BRPF1: variants seen among roughly 807,000 people sequenced by gnomAD.
BRPF1 encodes bromodomain and PHD finger containing 1.
Under a neutral mutation model 115.0 loss-of-function variants are expected in BRPF1, and 15 were observed. That is an observed-to-expected ratio of 0.13 (90% CI 0.09 to 0.20). The LOEUF (loss-of-function observed/expected upper bound fraction) is 0.20. Ranked by LOEUF, BRPF1 falls within the 10% of genes least tolerant of loss-of-function variation. The pLI is 1.00. For missense variants in BRPF1, 1,118 were observed against 1,638.3 expected (o/e 0.68, Z 5.48); for synonymous variants, 647 against 619.8 (o/e 1.04, Z -0.65).
rs191947134 is a variant in BRPF1, at chr3:9,739,122, G to T, written c.723G>T (p.Pro241=). Residue 241 remains proline, a synonymous_variant, in exon 3 of 14, where the codon CCG becomes CCT. Transcript: ENST00000383829. The part of the protein sequence containing the change: ...RRKTEGVSPI[P]QEIFEYLMDR... ...AGACAGAGGGTGTAAGTCCCATCCC[G>T]CAGGAGATCTTTGAGTACCTAATGG... is the stretch of plus-strand genomic sequence containing the variant. The T allele has an allele frequency of 8.1e-6, 13 of 1,613,970 alleles. No homozygotes were observed. In the South Asian group the frequency reaches 1.2e-4, roughly 15 times the overall value.
rs773181023 is a variant in BRPF1 at position 9,745,982 on chromosome 3, C to G, written c.3324+52C>G. The G allele has an allele frequency of 1.9e-6, 3 of 1,559,838 alleles. No individual in the cohort carries two copies. In the South Asian group the frequency reaches 3.6e-5, roughly 18 times the overall value. On this transcript the variant is annotated intron_variant, in intron 12 of 13. Coordinates refer to ENST00000383829, the MANE Select transcript of BRPF1 (RefSeq NM_001003694.2). The surrounding 1 kb of genome is among the most constrained non-coding windows in gnomAD (Gnocchi z 5.1). ...GCTTTCCAATCCCAGAATACAGATT[C>G]ACAGTTAGCAGACTTTTCCTACTCC...
rs780323655 is a variant in BRPF1, at chr3:9,739,638, C to T, written c.1239C>T (p.Cys413=). The change falls in exon 3 of 14, where the codon TGC becomes TGT. Residue 413 remains cysteine, a synonymous_variant. Coordinates refer to ENST00000383829, the MANE Select transcript of BRPF1 (RefSeq NM_001003694.2). The part of the protein sequence containing the change: ...ANCYTAFHVT[C]AQQAGLYMKM... ...GTTACACAGCTTTCCATGTGACATG[C>T]GCCCAGCAGGCTGGCCTTTACATGA... 1.2e-6 allele frequency: 2 copies of T among 1,610,234 alleles called. No homozygotes were observed. The highest frequency in any genetic ancestry group is 2.2e-5 in the East Asian group (1 of 44,704).
At position 9,739,167 on chromosome 3, in the gene BRPF1, G is replaced by T; in HGVS notation, c.768G>T (p.Ser256=). Residue 256 remains serine (S), a synonymous_variant, in exon 3 of 14, where the codon TCG becomes TCT. Transcript: ENST00000383829. ...TAATGGACCGACTGGAGAAGGAGTC[G>T]TACTTTGAGAGTCATAATAAAGGCG... ...EYLMDRLEKE[S]YFESHNKGDP... The T allele has an allele frequency of 6.2e-7, 1 of 1,613,932 alleles. No homozygotes were observed. Among genetic ancestry groups the T allele is most frequent in the Non-Finnish European group, 8.5e-7 (1 of 1,179,874 alleles).
rs1050329260 is a variant in BRPF1 at position 9,733,256 on chromosome 3, T to C, written c.-10-875T>C. On this transcript the variant is annotated intron_variant, in intron 1 of 13. Transcript: ENST00000383829. Reference sequence around the variant, plus strand: ...ATTCTTTCTGTGATCCAGTGATTTCTGCAGGAGTCCAACGCTAAAGCATTA... The same window carrying C: ...ATTCTTTCTGTGATCCAGTGATTTCCGCAGGAGTCCAACGCTAAAGCATTA... 6 of 152,422 alleles carry C rather than the reference T, an allele frequency of 3.9e-5. No individual in the cohort carries two copies. In the East Asian group the frequency reaches 1.2e-3, roughly 29 times the overall value. The allele number at this position is 152,422 out of a possible 1,614,324, so 9.4% of individuals were successfully genotyped here.
At position 9,739,204 on chromosome 3, in the gene BRPF1, C is replaced by T; in HGVS notation, c.805C>T (p.Leu269=). 6.2e-7 allele frequency: 1 copy of T among 1,613,740 alleles called. No homozygotes were observed. Among genetic ancestry groups the T allele is most frequent in the South Asian group, 1.1e-5 (1 of 91,052 alleles). ...TCATAATAAAGGCGACCCTAATGCG[C>T]TAGTGGACGAGGATGCTGTTTGCTG... ...ESHNKGDPNA[L]VDEDAVCCIC... The change falls in exon 3 of 14, where the codon CTA becomes TTA. Residue 269 remains leucine, a synonymous_variant. Coordinates refer to ENST00000383829, the MANE Select transcript of BRPF1 (RefSeq NM_001003694.2).
chr3:9,745,492 C>CT lies in BRPF1; in HGVS notation c.3069-78dup. The stretch of plus-strand genomic sequence containing the variant: ...TTCCAAAAGTCTCAGACCCTGCGGG[C>CT]TTTAAGAGCTGAGGGCACATACCAT... On this transcript the variant is annotated intron_variant, in intron 10 of 13. Transcript: ENST00000383829. This position sits in a 1 kb window ranked among gnomAD's most constrained non-coding sequence, Gnocchi z 5.1. 6.7e-7 allele frequency: 1 copy of CT among 1,502,082 alleles called. No individual in the cohort carries two copies. Among genetic ancestry groups the CT allele is most frequent in the South Asian group, 1.2e-5 (1 of 86,542 alleles). The allele number at this position is 1,502,082 out of a possible 1,614,324, so 93.0% of individuals were successfully genotyped here.
chr3:9,732,300 G>C (rs2076865596), intron 1 of BRPF1, among the ~76,000 whole-genome samples, 162 bp downstream of exon 1: 1 of 152,258 alleles, frequency 6.6e-6, no homozygotes, highest in Non-Finnish European at 1.5e-5. Flanking sequence ...TGGGGCAACA[G>C]TGTATCTTTC....
At chr3:9,742,912 C>T (rs765991759) in intron 6 of BRPF1, 32 bp from the exon 7 acceptor site, 1 of 1,597,780 alleles carries the variant, frequency 6.3e-7, no homozygotes. Context: ...GAGGATATCT[C>T]CACTTAAAAC....
chr3:9,745,469 C>A lies in BRPF1; in HGVS notation c.3069-104C>A. On this transcript the variant is annotated intron_variant, in intron 10 of 13. Coordinates refer to ENST00000383829, the MANE Select transcript of BRPF1 (RefSeq NM_001003694.2). This position sits in a 1 kb window ranked among gnomAD's most constrained non-coding sequence, Gnocchi z 5.1. ...AAATTCCTCATATAGCCTCTGCTTT[C>A]CAAAAGTCTCAGACCCTGCGGGCTT... 7.5e-7 allele frequency: 1 copy of A among 1,341,972 alleles called. No homozygotes were observed. Among genetic ancestry groups the A allele is most frequent in the South Asian group, 1.3e-5 (1 of 77,700 alleles). 83.1% of individuals were successfully genotyped at this position (1,341,972 alleles called of 1,614,324 possible).
intron 2 of BRPF1, among the ~76,000 whole-genome samples, chr3:9,737,083 T>C (rs570086765): frequency 1.3e-5 from 2 of 152,330 alleles, no homozygotes; most frequent in African/African-American, 4.8e-5. Context: ...CCATGAGTCA[T>C]ACCCTTGTTC....
At chr3:9,738,009 T>A (rs2125498298) in intron 2 of BRPF1, among the ~76,000 whole-genome samples, 1 of 152,278 alleles carries the variant, frequency 6.6e-6, no homozygotes, top group East Asian at 1.9e-4. Context: ...GAGGCAGGAT[T>A]TAAATCTGGT....
chr3:9,743,063 C>G lies in BRPF1; in HGVS notation c.2121C>G (p.Val707=). The stretch of plus-strand genomic sequence containing the variant: ...TTGAGGAGGACTTCAACCTCATCGT[C>G]AGCAACTGCCTCAAGTATAACGCCA... The part of the protein sequence containing the change: ...DDFEEDFNLI[V]SNCLKYNAKD... Residue 707 remains valine (V), a synonymous_variant, in exon 7 of 14, where the codon GTC becomes GTG. Coordinates refer to ENST00000383829, the MANE Select transcript of BRPF1 (RefSeq NM_001003694.2). The surrounding 1 kb of genome is among the most constrained non-coding windows in gnomAD (Gnocchi z 6.1). 1 of 1,614,232 alleles carries G rather than the reference C, an allele frequency of 6.2e-7. No individual in the cohort carries two copies. The highest frequency in any genetic ancestry group is 8.5e-7 in the Non-Finnish European group (1 of 1,180,046).
chr3:9,740,038 T>C (rs931382146), intron 3 of BRPF1, 80 bp downstream of exon 3: 12 of 1,455,628 alleles, frequency 8.2e-6, no homozygotes, highest in Non-Finnish European at 1.1e-5. Context: ...CTGAGTGGAA[T>C]GGCAGGGCTG....
chr3:9,743,460 C>T lies in BRPF1; in HGVS notation c.2312-118C>T. On this transcript the variant is annotated intron_variant, in intron 7 of 13. Coordinates refer to ENST00000383829, the MANE Select transcript of BRPF1 (RefSeq NM_001003694.2). The surrounding 1 kb of genome is among the most constrained non-coding windows in gnomAD (Gnocchi z 6.1). ...TCCACATCTTGGTGCTGCTATTTTA[C>T]AGCTGTTCCTGGTGAGAAGCCCAGG... 2 of 1,292,124 alleles carry T rather than the reference C, an allele frequency of 1.5e-6. No homozygotes were observed. The highest frequency in any genetic ancestry group is 1.4e-5 in the South Asian group (1 of 69,948). The allele number at this position is 1,292,124 out of a possible 1,614,324, so 80.0% of individuals were successfully genotyped here. A position where few individuals can be genotyped will look rare whatever the true frequency, so the allele number is the denominator to read the frequency against.
In BRPF1 at chr3:9,734,428, G is replaced by A; in HGVS notation, c.288G>A (p.Gln96=). 1 of 1,614,116 alleles carries A rather than the reference G, an allele frequency of 6.2e-7. No homozygotes were observed. The highest frequency in any genetic ancestry group is 8.5e-7 in the Non-Finnish European group (1 of 1,180,028). ...AGGTGATGAGCTATGCACAGGCCCAGCGCATGGTGGAGGTGGACTTGCATG... is the reference window on the plus strand; with the variant it reads ...AGGTGATGAGCTATGCACAGGCCCAACGCATGGTGGAGGTGGACTTGCATG... ...GREVMSYAQA[Q]RMVEVDLHGR... The change falls in exon 2 of 14, where the codon CAG becomes CAA. Residue 96 remains glutamine, a synonymous_variant. Transcript: ENST00000383829. The surrounding 1 kb of genome is among the most constrained non-coding windows in gnomAD (Gnocchi z 5.7).
At chr3:9,744,968 C>G (rs2077098017) in intron 9 of BRPF1, 40 bp from the exon 10 acceptor site, 23 of 1,613,758 alleles carry the variant, frequency 1.4e-5, no homozygotes, top group Non-Finnish European at 1.9e-5. Context: ...CTACATCTTC[C>G]TGACCGGTTC....
At chr3:9,732,360 A>G (rs924453695) in intron 1 of BRPF1, 88 of 152,272 alleles carry the variant, frequency 5.8e-4, no homozygotes, top group African/African-American at 2.0e-3. Flanking sequence ...CACTTGTTAC[A>G]CTTCCACAAA....
In BRPF1 at chr3:9,745,240, G is replaced by C. The variant is rs2077103370; in HGVS notation, c.3068+85G>C. The C allele has an allele frequency of 6.7e-7, 1 of 1,487,134 alleles. No homozygotes were observed. The highest frequency in any genetic ancestry group is 1.4e-5 in the African/African-American group (1 of 70,390). The allele number at this position is 1,487,134 out of a possible 1,614,324, so 92.1% of individuals were successfully genotyped here. A position where few individuals can be genotyped will look rare whatever the true frequency, so the allele number is the denominator to read the frequency against. ...TGTGTAGGTTTCCCTGTTGGAAGTGGGGTGGCAGCCATCTCAGTCTAGATT... is the reference window on the plus strand; with the variant it reads ...TGTGTAGGTTTCCCTGTTGGAAGTGCGGTGGCAGCCATCTCAGTCTAGATT... On this transcript the variant is annotated intron_variant, in intron 10 of 13. Coordinates refer to ENST00000383829, the MANE Select transcript of BRPF1 (RefSeq NM_001003694.2). This position sits in a 1 kb window ranked among gnomAD's most constrained non-coding sequence, Gnocchi z 5.1.
rs1471589788 is a variant in BRPF1, at chr3:9,739,964, TG to T, written c.1559+10del. 6.4e-7 allele frequency: 1 copy of T among 1,559,836 alleles called. No homozygotes were observed. The highest frequency in any genetic ancestry group is 1.3e-5 in the African/African-American group (1 of 74,248). On this transcript the variant is annotated splice_region_variant and intron_variant, in intron 3 of 13. Transcript: ENST00000383829. ...CCCTGCATCCCACCACACAGGTATG[TG>T]GGGAGCCGGTGGACAGGCAGATGAG...
Sources: allele counts gnomAD v4.1 joint callset (sites outside exome capture counted in the v4.1 genomes callset), GRCh38; gene constraint gnomAD v4.1.1; non-coding constraint Gnocchi (gnomAD v3.1); transcripts MANE v1.5; gene names NCBI Gene and HGNC (gene_info 2026-07-23, HGNC 2026-07-21).